Variants in FHOD3 observed in about 807,000 individuals in gnomAD.
FHOD3 encodes the protein FH1/FH2 domain-containing protein 3.
FHOD3 carries 90 observed loss-of-function variants against 173.0 expected under a neutral mutation model. The observed-to-expected ratio is 0.52, with a 90% confidence interval of 0.44 to 0.62. The LOEUF (loss-of-function observed/expected upper bound fraction) is 0.62, where lower values mean the gene tolerates loss of function less well. FHOD3 is among the 20% of genes least tolerant of loss of function. The pLI, the probability that FHOD3 is intolerant of heterozygous loss-of-function variation, is 0.00. For missense variants in FHOD3, 1,945 were observed against 2,034.7 expected (o/e 0.96, Z 0.85); for synonymous variants, 828 against 823.0 (o/e 1.01, Z -0.10).
chr18:36,550,434 C>G (rs561147119), intron 5 of FHOD3, among the ~76,000 whole-genome samples: 1 of 151,804 alleles, frequency 6.6e-6, no homozygotes, highest in East Asian at 1.9e-4. Context: ...AGGTCCTTTG[C>G]ATTTCCATAA....
In FHOD3 at chr18:36,760,752, G is replaced by A; in HGVS notation, c.4594G>A (p.Gly1532Ser). 1 of 1,611,926 alleles carries A rather than the reference G, an allele frequency of 6.2e-7. No homozygotes were observed. The highest frequency in any genetic ancestry group is 1.7e-5 in the Admixed American group (1 of 59,962). Residue 1532 changes from glycine to serine, a missense_variant, in exon 27 of 29, where the codon GGC becomes AGC. This residue lies in a region of FHOD3 where 354 missense variants were observed against 359.9 expected (regional missense o/e 0.98). Coordinates refer to ENST00000590592, the MANE Select transcript of FHOD3 (RefSeq NM_001281740.3). The stretch of plus-strand genomic sequence containing the variant: ...CGTGGAGGACGCCACCCCCGCGCTG[G>A]GCGTCCGCACACGCAGCCGAGCAAG... ...PSVEDATPAL[G>S]VRTRSRASRG... is the part of the protein sequence containing the mutation.
intron 6 of FHOD3, among the ~76,000 whole-genome samples, chr18:36,589,880 G>A (rs1369482281): frequency 2.0e-5 from 3 of 152,278 alleles, no homozygotes; most frequent in Non-Finnish European, 4.4e-5. Context: ...GATTTCTCTC[G>A]GTGCTGGACA....
At chr18:36,670,360 A>G (rs976803256) in intron 14 of FHOD3, among the ~76,000 whole-genome samples, 1 of 152,108 alleles carries the variant, frequency 6.6e-6, no homozygotes, top group African/African-American at 2.4e-5. Context: ...TAACTCTAAT[A>G]GCATGTATAT....
At chr18:36,589,915 A>G (rs1568463783) in intron 6 of FHOD3, among the ~76,000 whole-genome samples, 1 of 152,092 alleles carries the variant, frequency 6.6e-6, no homozygotes, top group Non-Finnish European at 1.5e-5. Flanking sequence ...TGAGCCTGTA[A>G]GTTGTAGTGA....
rs115594195 is a variant in FHOD3, at chr18:36,371,182, T to C, written c.273-1498T>C. The stretch of plus-strand genomic sequence containing the variant: ...AGGGGACTCTGAATGCAGACTCTAC[T>C]TGAAGCAGCTGCTCAGCTGGAGGCT... On this transcript the variant is annotated intron_variant, in intron 2 of 28. Transcript: ENST00000590592. Among the ~76,000 whole-genome samples the C allele has an allele frequency of 2.2e-3, 339 of 152,342 alleles. 2 individuals carry two copies. Among genetic ancestry groups the C allele is most frequent in the African/African-American group, 7.8e-3 (324 of 41,570 alleles).
intron 14 of FHOD3, among the ~76,000 whole-genome samples, chr18:36,668,661 A>G (rs1461783961): frequency 3.9e-5 from 6 of 151,962 alleles, no homozygotes; most frequent in African/African-American, 1.4e-4. Flanking sequence ...TGCATTCCAC[A>G]AAGTTTAATA....
At chr18:36,735,721 G>A (rs371628622) in intron 20 of FHOD3, among the ~76,000 whole-genome samples, 1 of 152,110 alleles carries the variant, frequency 6.6e-6, no homozygotes, top group Admixed American at 6.5e-5. Flanking sequence ...CATATTGTAT[G>A]CAAACCAGAC....
intron 18 of FHOD3, among the ~76,000 whole-genome samples, chr18:36,715,482 G>A (rs961243409): frequency 1.3e-5 from 2 of 152,144 alleles, no homozygotes; most frequent in African/African-American, 4.8e-5. Context: ...ATAGCAGCAT[G>A]AGAACAGACT....
chr18:36,608,059 C>G (rs552933657), intron 8 of FHOD3, among the ~76,000 whole-genome samples: 2 of 152,300 alleles, frequency 1.3e-5, no homozygotes, highest in East Asian at 3.9e-4. Context: ...CTTGCTTCTC[C>G]AAATTTTTCC....
At chr18:36,468,966 G>A (rs1022331627) in intron 3 of FHOD3, among the ~76,000 whole-genome samples, 28 of 152,056 alleles carry the variant, frequency 1.8e-4, no homozygotes, top group African/African-American at 4.6e-4. Flanking sequence ...GAGAGGAGTC[G>A]GACAGTTAAC....
intron 2 of FHOD3, among the ~76,000 whole-genome samples, chr18:36,357,584 G>A (rs924191664): frequency 1.3e-5 from 2 of 152,164 alleles, no homozygotes; most frequent in Non-Finnish European, 2.9e-5. Context: ...ATATGGGAGT[G>A]GTATCTTAAG....
rs899654727 is a variant in FHOD3 at position 36,517,402 on chromosome 18, G to T, written c.511+4859G>T. Among the ~76,000 whole-genome samples, 4 of 152,266 alleles carry T rather than the reference G, an allele frequency of 2.6e-5. No individual in the cohort carries two copies. In the East Asian group the frequency reaches 7.7e-4, roughly 29 times the overall value. On this transcript the variant is annotated intron_variant, in intron 5 of 28. Transcript: ENST00000590592. ...CAAGATTCACACTGTCTTGAAGCAG[G>T]TCCCTGTGGGGTCCCCTGCATGGCA... is the stretch of plus-strand genomic sequence containing the variant.
intron 14 of FHOD3, among the ~76,000 whole-genome samples, chr18:36,668,409 C>T (rs116675144): frequency 2.0e-5 from 3 of 151,940 alleles, no homozygotes; most frequent in Admixed American, 2.0e-4. Context: ...TCTTCTCTCT[C>T]TTCTTTCCAA....
intron 5 of FHOD3, among the ~76,000 whole-genome samples, chr18:36,566,510 G>T (rs2058269935): frequency 6.6e-6 from 1 of 152,212 alleles, no homozygotes; most frequent in African/African-American, 2.4e-5. Context: ...TGAAGGGCCA[G>T]AGGGTTGGCT....
intron 3 of FHOD3, among the ~76,000 whole-genome samples, chr18:36,473,659 C>T (rs1006167738): frequency 2.6e-5 from 4 of 152,176 alleles, no homozygotes; most frequent in African/African-American, 9.7e-5. Context: ...CCAATAACTT[C>T]CTCACTGCAT....
intron 7 of FHOD3, among the ~76,000 whole-genome samples, chr18:36,597,470 A>G (rs566108045): frequency 4.7e-4 from 72 of 152,302 alleles, no homozygotes; most frequent in Admixed American, 1.2e-3. Context: ...TCTGTTGCCC[A>G]GGCTAGAGTG....
chr18:36,730,192 G>A (rs936607932), intron 19 of FHOD3, among the ~76,000 whole-genome samples: 3 of 152,124 alleles, frequency 2.0e-5, no homozygotes. Context: ...ACAGGCCAAT[G>A]GTGCTGTATT....
intron 14 of FHOD3, among the ~76,000 whole-genome samples, chr18:36,665,403 C>T (rs2037112402): frequency 6.6e-6 from 1 of 152,210 alleles, no homozygotes; most frequent in African/African-American, 2.4e-5. Flanking sequence ...AGAGTTTCCA[C>T]TGCAGTGAAT....
chr18:36,425,830 T>C (rs1270093727), intron 3 of FHOD3, among the ~76,000 whole-genome samples: 1 of 152,124 alleles, frequency 6.6e-6, no homozygotes, highest in Non-Finnish European at 1.5e-5. Flanking sequence ...TATGTGTACA[T>C]AGACACATAC....
Sources: allele counts gnomAD v4.1 joint callset (sites outside exome capture counted in the v4.1 genomes callset), GRCh38; gene constraint gnomAD v4.1.1; regional missense constraint gnomAD v4.1.1; transcripts MANE v1.5; gene names NCBI Gene and HGNC (gene_info 2026-07-23, HGNC 2026-07-21).